LMO7: variants seen among roughly 807,000 people sequenced by gnomAD.
The protein encoded by LMO7 is LIM domain 7.
Under a neutral mutation model 206.5 loss-of-function variants are expected in LMO7, and 120 were observed. That is an observed-to-expected ratio of 0.58 (90% CI 0.50 to 0.68). The LOEUF is 0.68. LMO7 is among the 30% of genes least tolerant of loss of function. LMO7 has a pLI of 0.00. For missense variants in LMO7, 1,959 were observed against 1,957.9 expected (o/e 1.00, Z -0.01); for synonymous variants, 706 against 681.5 (o/e 1.04, Z -0.56).
intron 26 of LMO7, 150 bp downstream of exon 26, chr13:75,845,529 G>A: frequency 3.8e-6 from 2 of 524,406 alleles, no homozygotes; most frequent in South Asian, 4.9e-5. Flanking sequence ...TATAAAAACA[G>A]CAAAACAACT....
At chr13:75,794,488 T>C (rs552674633) in intron 4 of LMO7, among the ~76,000 whole-genome samples, 1 of 152,346 alleles carries the variant, frequency 6.6e-6, no homozygotes, top group Non-Finnish European at 1.5e-5. Flanking sequence ...TATATGAATA[T>C]ATATGTGTTT....
At chr13:75,651,796 C>T (rs1468882586) in intron 1 of LMO7, among the ~76,000 whole-genome samples, 2 of 152,112 alleles carry the variant, frequency 1.3e-5, no homozygotes, top group Admixed American at 1.3e-4. Flanking sequence ...GTCAAGCATC[C>T]TCTGCTTGTG....
chr13:75,817,351 T>C (rs1300776526), intron 12 of LMO7, 73 bp downstream of exon 12: 15 of 888,624 alleles, frequency 1.7e-5, no homozygotes, highest in Non-Finnish European at 2.7e-5. Flanking sequence ...AAAGTCAATA[T>C]ACTCAAGACC....
At position 75,713,251 on chromosome 13, in the gene LMO7, GAGTA is replaced by G. The variant is rs776213032; in HGVS notation, c.140+4_140+7del. 5.0e-6 allele frequency: 8 copies of G among 1,603,058 alleles called. No homozygotes were observed. Among genetic ancestry groups the G allele is most frequent in the Admixed American group, 3.4e-5 (2 of 59,274 alleles). ...TCTAGAAAATGGTGTTCTGCTGTGTGAGTAAGTATTTAAAGTATTTAAAAAATAA... is the reference window on the plus strand; with the variant it reads ...TCTAGAAAATGGTGTTCTGCTGTGTGAGTATTTAAAGTATTTAAAAAATAA... On this transcript the variant is annotated splice_donor_variant and splice_donor_region_variant and coding_sequence_variant and intron_variant, in exon 2 of 31. Transcript: ENST00000377534. LOFTEE classifies it high-confidence loss of function.
intron 1 of LMO7, among the ~76,000 whole-genome samples, chr13:75,655,640 TATATATATATATATATATATA>T (rs1566279480): frequency 2.9e-3 from 1 of 344 alleles, no homozygotes; most frequent in Non-Finnish European, 7.5e-3. Context: ...ATGGATTTTA[TATATATATATATATATATATA>T]TATATATATA....
At chr13:75,760,520 G>C (rs572769347) in intron 3 of LMO7, 1 of 1,277,604 alleles carries the variant, frequency 7.8e-7, no homozygotes, top group South Asian at 2.9e-5. Context: ...TTTCTGGGTG[G>C]GTGAATGTCA....
intron 3 of LMO7, among the ~76,000 whole-genome samples, chr13:75,750,563 T>G (rs1356206481): frequency 6.6e-6 from 1 of 151,992 alleles, no homozygotes; most frequent in East Asian, 1.9e-4. Context: ...ATAATAATTT[T>G]ATTTTTTTTG....
At chr13:75,814,322 G>C (rs1566525395) in intron 11 of LMO7, among the ~76,000 whole-genome samples, 1 of 152,154 alleles carries the variant, frequency 6.6e-6, no homozygotes, top group Non-Finnish European at 1.5e-5. Flanking sequence ...CCTGCCTTGT[G>C]CTGCTAATAT....
chr13:75,642,333 G>A (rs1014779203), intron 1 of LMO7, among the ~76,000 whole-genome samples: 2 of 151,700 alleles, frequency 1.3e-5, no homozygotes, highest in Non-Finnish European at 2.9e-5. Context: ...AGCCAGACAT[G>A]GTGGCTCATG....
chr13:75,771,480 C>T (rs916500294), intron 4 of LMO7, among the ~76,000 whole-genome samples: 4 of 40,774 alleles, frequency 9.8e-5, no homozygotes, highest in Non-Finnish European at 2.1e-4. Flanking sequence ...CTAAATTGCT[C>T]GGGATCATAC....
chr13:75,633,720 G>A (rs1460532711), upstream of LMO7, among the ~76,000 whole-genome samples: 4 of 151,904 alleles, frequency 2.6e-5, no homozygotes, highest in Non-Finnish European at 4.4e-5. Flanking sequence ...TAAGTCAGCT[G>A]TAAAAGACAT....
At chr13:75,627,015 T>C (rs763970243) in intron 2 of LMO7, 1 of 152,194 alleles carries the variant, frequency 6.6e-6, no homozygotes, top group Admixed American at 6.5e-5. Flanking sequence ...ATTATAAAAA[T>C]TGTAGTTTAA....
At chr13:75,630,656 C>T (rs2034798055) in intron 2 of LMO7, among the ~76,000 whole-genome samples, 1 of 152,058 alleles carries the variant, frequency 6.6e-6, no homozygotes, top group African/African-American at 2.4e-5. Context: ...CAGAGTGAGA[C>T]CCTGTCTCAA....
chr13:75,738,357 A>G (rs528137746), intron 3 of LMO7, among the ~76,000 whole-genome samples: 51 of 152,352 alleles, frequency 3.3e-4, no homozygotes, highest in African/African-American at 1.2e-3. Context: ...TGGGAAAACC[A>G]TAGAAGATAT....
rs760935363 is a variant in LMO7 at position 75,853,328 on chromosome 13, C to T, written c.4601C>T (p.Ser1534Phe). ...ACCACAGGTGTGGCCACCACACAGT[C>T]CCCCACCCCGAGAAGCCATTCCCCT... ...TSTTGVATTQ[S>F]PTPRSHSPSA... is the part of the protein sequence containing the mutation. Residue 1534 changes from serine to phenylalanine, a missense_variant, in exon 28 of 31, where the codon TCC (serine) becomes TTC (phenylalanine). By Grantham distance (155) the Ser-to-Phe change is radical. Coordinates refer to ENST00000377534, the MANE Select transcript of LMO7 (RefSeq NM_001306080.2). 3.1e-6 allele frequency: 5 copies of T among 1,613,724 alleles called. No homozygotes were observed. In the East Asian group the frequency reaches 1.1e-4, roughly 36 times the overall value.
intron 15 of LMO7, among the ~76,000 whole-genome samples, chr13:75,830,897 A>C (rs2058598968): frequency 6.6e-6 from 1 of 152,208 alleles, no homozygotes; most frequent in Non-Finnish European, 1.5e-5. Flanking sequence ...TCAAGCTATA[A>C]AACACAATGT....
intron 6 of LMO7, among the ~76,000 whole-genome samples, chr13:75,798,285 G>A (rs1210843863): frequency 1.3e-5 from 2 of 152,178 alleles, no homozygotes; most frequent in Non-Finnish European, 2.9e-5. Flanking sequence ...CAGGAGAGTC[G>A]CTTGAACCTG....
chr13:75,784,127 A>G (rs1468206299), intron 4 of LMO7, among the ~76,000 whole-genome samples: 1 of 152,162 alleles, frequency 6.6e-6, no homozygotes, highest in Non-Finnish European at 1.5e-5. Context: ...TAGTGGGTAG[A>G]GGTCAGGCAT....
intron 1 of LMO7, among the ~76,000 whole-genome samples, chr13:75,688,312 T>C (rs1212920345): frequency 6.6e-6 from 1 of 152,182 alleles, no homozygotes; most frequent in Non-Finnish European, 1.5e-5. Flanking sequence ...TTGTTAAAAA[T>C]CCTGCCATTT....
Sources: gnomAD v4.1 joint callset for allele counts (sites outside exome capture counted in the v4.1 genomes callset) on GRCh38, gnomAD v4.1.1 for gene constraint, MANE v1.5 for transcripts, NCBI Gene and HGNC (gene_info 2026-07-23, HGNC 2026-07-21) for gene names.